Variants in ABCA13 observed in about 807,000 individuals in gnomAD.
ABCA13 encodes ATP binding cassette subfamily A member 13.
Under a neutral mutation model 478.7 loss-of-function variants are expected in ABCA13, and 476 were observed. The observed-to-expected ratio is 0.99, with a 90% CI of 0.92 to 1.07. The LOEUF (loss-of-function observed/expected upper bound fraction) is 1.07. Ranked by LOEUF, ABCA13 falls within the 50% of genes least tolerant of loss-of-function variation. The pLI, the probability that ABCA13 is intolerant of heterozygous loss-of-function variation, is 0.00. For missense variants in ABCA13, 6,060 were observed against 5,910.6 expected (o/e 1.03, Z -0.83); for synonymous variants, 2,252 against 2,158.9 (o/e 1.04, Z -1.20).
At chr7:48,503,894 T>C (rs535051991) in intron 48 of ABCA13, among the ~76,000 whole-genome samples, 2 of 152,348 alleles carry the variant, frequency 1.3e-5, no homozygotes, top group South Asian at 4.1e-4. Context: ...ATAAGGGCTG[T>C]ACTAATTTAC....
intron 47 of ABCA13, among the ~76,000 whole-genome samples, chr7:48,485,794 A>C (rs1015954345): frequency 3.9e-5 from 6 of 152,122 alleles, no homozygotes; most frequent in African/African-American, 1.4e-4. Flanking sequence ...AGGCCCCACT[A>C]TCTGTGGGGA....
chr7:48,637,741 C>T (rs1308173268), intron 59 of ABCA13, among the ~76,000 whole-genome samples: 3 of 151,996 alleles, frequency 2.0e-5, no homozygotes, highest in Non-Finnish European at 4.4e-5. Context: ...TTGTTCCTTA[C>T]TTTAAAATGA....
At chr7:48,368,687 GTA>G (rs201820250) in intron 32 of ABCA13, among the ~76,000 whole-genome samples, 43,499 of 122,386 alleles carry the variant, frequency 0.36, 7,363 homozygotes, top group East Asian at 0.51. Flanking sequence ...GTGTGTATGT[GTA>G]TATATATATA....
rs1466431472 is a variant in ABCA13 at position 48,281,377 on chromosome 7, G to T, written c.8761G>T (p.Val2921Leu). The change falls in exon 19 of 62, where the codon GTG (valine) becomes TTG (leucine). Residue 2921 changes from valine to leucine, a missense_variant. By Grantham distance (32) the Val-to-Leu change is conservative. Transcript: ENST00000435803. ...GATTTGTGAAGTTTTCCAGCAGACTGTGAAGCCCTCAGAAGCCATGGAGAT... is the reference window on the plus strand; with the variant it reads ...GATTTGTGAAGTTTTCCAGCAGACTTTGAAGCCCTCAGAAGCCATGGAGAT... Reference protein sequence around the residue: ...VEICEVFQQTVKPSEAMEMLQ... With the variant: ...VEICEVFQQTLKPSEAMEMLQ... The T allele has an allele frequency of 2.5e-6, 4 of 1,609,098 alleles. No homozygotes were observed. Among genetic ancestry groups the T allele is most frequent in the African/African-American group, 2.7e-5 (2 of 74,892 alleles).
At chr7:48,525,656 T>G (rs1020270768) in intron 54 of ABCA13, among the ~76,000 whole-genome samples, 4 of 145,960 alleles carry the variant, frequency 2.7e-5, no homozygotes, top group Non-Finnish European at 6.0e-5. Context: ...GCAAGGCCTC[T>G]CTGTTTAGAT....
intron 1 of ABCA13, among the ~76,000 whole-genome samples, chr7:48,177,025 G>C (rs1794979960): frequency 6.6e-6 from 1 of 152,074 alleles, no homozygotes; most frequent in African/African-American, 2.4e-5. Context: ...GCTAAAAACT[G>C]AACTTGGTGT....
At position 48,279,086 on chromosome 7, in the gene ABCA13, T is replaced by A; in HGVS notation, c.7892T>A (p.Phe2631Tyr). ...TCATATATGAACCAATCTAAGGACTTTTCTGATATTTTGGAAGAAATTGCT... is the reference window on the plus strand; with the variant it reads ...TCATATATGAACCAATCTAAGGACTATTCTGATATTTTGGAAGAAATTGCT... ...ILSYMNQSKD[F>Y]SDILEEIAEF... The change falls in exon 18 of 62, where the codon TTT becomes TAT. Residue 2631 changes from phenylalanine (F) to tyrosine (Y), a missense_variant. Physicochemically the swap from Phe to Tyr is conservative, Grantham distance 22. Transcript: ENST00000435803. 1 of 1,612,484 alleles carries A rather than the reference T, an allele frequency of 6.2e-7. No individual in the cohort carries two copies. The highest frequency in any genetic ancestry group is 8.5e-7 in the Non-Finnish European group (1 of 1,179,668).
chr7:48,414,075 C>T (rs1356014634), intron 41 of ABCA13, among the ~76,000 whole-genome samples: 1 of 152,194 alleles, frequency 6.6e-6, no homozygotes, highest in Non-Finnish European at 1.5e-5. Context: ...AGTTACAGTG[C>T]AAGAGACAAA....
chr7:48,384,372 G>A (rs905029488), intron 35 of ABCA13, among the ~76,000 whole-genome samples: 5 of 152,258 alleles, frequency 3.3e-5, no homozygotes, highest in Non-Finnish European at 7.3e-5. Flanking sequence ...CCTCATGACT[G>A]CACTTGCGTG....
chr7:48,243,060 A>G (rs1791098881), intron 10 of ABCA13: 1 of 152,264 alleles, frequency 6.6e-6, no homozygotes, highest in South Asian at 2.1e-4. Context: ...CCCAGGCTCT[A>G]GCAGATAGCG....
intron 29 of ABCA13, among the ~76,000 whole-genome samples, chr7:48,339,176 G>C (rs886619053): frequency 6.6e-6 from 1 of 152,030 alleles, no homozygotes; most frequent in Non-Finnish European, 1.5e-5. Flanking sequence ...CATGGGAAAG[G>C]GTTTCGGATC....
chr7:48,428,481 G>A (rs1027880119), intron 42 of ABCA13, among the ~76,000 whole-genome samples: 1 of 152,148 alleles, frequency 6.6e-6, no homozygotes, highest in Non-Finnish European at 1.5e-5. Flanking sequence ...CTGAGCTCTA[G>A]GGATGTGGAG....
Position 48,244,691 on chromosome 7 carries a change from C to A in ABCA13, c.1378C>A (p.His460Asn), listed in dbSNP as rs1791401932. The A allele has an allele frequency of 1.3e-6, 2 of 1,599,332 alleles. No homozygotes were observed. Among genetic ancestry groups the A allele is most frequent in the African/African-American group, 2.7e-5 (2 of 74,466 alleles). Residue 460 changes from histidine to asparagine, a missense_variant, in exon 11 of 62, where the codon CAT (histidine) becomes AAT (asparagine). Around this residue, in one of 3 missense-constraint regions of ABCA13, gnomAD observed 4,423 missense variants for 4,309.1 expected, o/e 1.03. Transcript: ENST00000435803. ...CAGAAATGCGATAGCTCAGAATTTA[C>A]ATTTTGTCCAAGGTAAGCTAGCTTT... is the stretch of plus-strand genomic sequence containing the variant. ...ALRNAIAQNL[H>N]FVQEVLICLE...
At chr7:48,342,565 A>C (rs1224833312) in intron 29 of ABCA13, among the ~76,000 whole-genome samples, 1 of 151,914 alleles carries the variant, frequency 6.6e-6, no homozygotes, top group Non-Finnish European at 1.5e-5. Context: ...ATGGTTTCTT[A>C]TGAGAATCCT....
intron 41 of ABCA13, among the ~76,000 whole-genome samples, chr7:48,426,289 C>A (rs1821416036): frequency 6.6e-6 from 1 of 152,182 alleles, no homozygotes; most frequent in Admixed American, 6.5e-5. Flanking sequence ...AGATTTTGCT[C>A]AGTAGGATTC....
At chr7:48,491,019 AG>A (rs1440634364) in intron 48 of ABCA13, among the ~76,000 whole-genome samples, 13 of 152,192 alleles carry the variant, frequency 8.5e-5, no homozygotes, top group African/African-American at 2.9e-4. Flanking sequence ...TTGAGGCACT[AG>A]GGATGGGAAT....
intron 3 of ABCA13, among the ~76,000 whole-genome samples, chr7:48,215,067 A>G (rs1448473405): frequency 6.6e-6 from 1 of 152,164 alleles, no homozygotes; most frequent in Non-Finnish European, 1.5e-5. Flanking sequence ...GTGAGCTGAG[A>G]TTGTGCTACT....
At chr7:48,195,785 A>G (rs1349768637) in intron 2 of ABCA13, among the ~76,000 whole-genome samples, 1 of 152,162 alleles carries the variant, frequency 6.6e-6, no homozygotes, top group Non-Finnish European at 1.5e-5. Flanking sequence ...AGAGTGCTGG[A>G]AGGGAAACAA....
Position 48,335,399 on chromosome 7 carries a change from T to C in ABCA13, c.10000-23T>C. 2.0e-6 allele frequency: 3 copies of C among 1,530,790 alleles called. No homozygotes were observed. The South Asian group carries it at 3.5e-5, about 18-fold the overall frequency. The allele number at this position is 1,530,790 out of a possible 1,614,324, so 94.8% of individuals were successfully genotyped here. A position where few individuals can be genotyped will look rare whatever the true frequency, so the allele number is the denominator to read the frequency against. On this transcript the variant is annotated intron_variant, in intron 27 of 61. Transcript: ENST00000435803. ...ATATAACAGCTGAATAAGAGACATA[T>C]CCAAATATGCTTCATTTTGCAGGCT... is the stretch of plus-strand genomic sequence containing the variant.
Sources: gnomAD v4.1 joint callset for allele counts (sites outside exome capture counted in the v4.1 genomes callset) on GRCh38, gnomAD v4.1.1 for gene constraint, gnomAD v4.1.1 regional missense constraint, MANE v1.5 for transcripts, NCBI Gene and HGNC (gene_info 2026-07-23, HGNC 2026-07-21) for gene names.